Variants in ZNF708 observed in about 807,000 individuals in gnomAD.
ZNF708 encodes zinc finger protein 708, also known as ZNF15, ZNF15L1.
In ZNF708, 44 loss-of-function variants were observed where a neutral mutation model predicts 47.0. That is an observed-to-expected ratio of 0.94 (90% CI 0.74 to 1.20). The LOEUF is 1.20. Ranked by LOEUF, ZNF708 falls within the 50% of genes most tolerant of loss-of-function variation. The pLI is 0.00. For synonymous variants in ZNF708, 184 were observed against 218.5 expected (o/e 0.84, Z 1.39); for missense variants, 557 against 656.0 (o/e 0.85, Z 1.65).
chr19:21,311,576 G>A (rs899112095), intron 1 of ZNF708, among the ~76,000 whole-genome samples: 1 of 151,936 alleles, frequency 6.6e-6, no homozygotes, highest in African/African-American at 2.4e-5. Flanking sequence ...TATCTTTCCC[G>A]TTTTAATTTT....
At chr19:21,328,452 C>T (rs193077661) in intron 1 of ZNF708, among the ~76,000 whole-genome samples, 1 of 152,264 alleles carries the variant, frequency 6.6e-6, no homozygotes, top group East Asian at 1.9e-4. Flanking sequence ...CAGTTTAAAT[C>T]TAACTGCAGG....
intron 1 of ZNF708, among the ~76,000 whole-genome samples, chr19:21,327,526 C>T (rs1002751838): frequency 4.9e-4 from 55 of 111,360 alleles, no homozygotes; most frequent in Non-Finnish European, 9.3e-4. Flanking sequence ...GAGTGAAACT[C>T]CACCTCAAAA....
intron 3 of ZNF708, among the ~76,000 whole-genome samples, chr19:21,297,081 C>T (rs1311883333): frequency 6.6e-6 from 1 of 150,722 alleles, no homozygotes; most frequent in Admixed American, 6.7e-5. Context: ...TGCAGTGAGC[C>T]ATGATTGCAC....
intron 1 of ZNF708, among the ~76,000 whole-genome samples, chr19:21,315,897 T>TAAA (rs1972991660): frequency 6.6e-6 from 1 of 151,686 alleles, no homozygotes; most frequent in Non-Finnish European, 1.5e-5. Flanking sequence ...AATGTCTCTC[T>TAAA]GAGACTTATA....
intron 3 of ZNF708, among the ~76,000 whole-genome samples, chr19:21,306,160 G>C (rs1256894876): frequency 6.6e-6 from 1 of 152,248 alleles, no homozygotes; most frequent in African/African-American, 2.4e-5. Flanking sequence ...CATTGGTCTT[G>C]GCACTATTTT....
intron 1 of ZNF708, among the ~76,000 whole-genome samples, chr19:21,317,263 C>A (rs566427732): frequency 6.6e-6 from 1 of 152,138 alleles, no homozygotes; most frequent in East Asian, 2.0e-4. Flanking sequence ...CTGGGCAATG[C>A]AGTGAGACTC....
At chr19:21,324,509 G>A (rs966549738) in intron 1 of ZNF708, among the ~76,000 whole-genome samples, 10 of 152,130 alleles carry the variant, frequency 6.6e-5, no homozygotes, top group African/African-American at 2.4e-4. Context: ...GGAAGCTGCA[G>A]TAAGCCGAGA....
intron 1 of ZNF708, among the ~76,000 whole-genome samples, chr19:21,321,758 GA>G (rs1188777238): frequency 4.7e-5 from 7 of 150,100 alleles, no homozygotes; most frequent in Admixed American, 1.3e-4. Context: ...GAGAAAATTA[GA>G]AAAAAATACC....
At chr19:21,307,027 TAACATAC>T in intron 3 of ZNF708, 1 of 120,426 alleles carries the variant, frequency 8.3e-6, no homozygotes, top group Admixed American at 8.0e-5. Flanking sequence ...TAACATAACA[TAACATAC>T]ATAAAATAAA....
At chr19:21,303,197 A>G (rs1252714048) in intron 3 of ZNF708, among the ~76,000 whole-genome samples, 1 of 152,164 alleles carries the variant, frequency 6.6e-6, no homozygotes, top group Non-Finnish European at 1.5e-5. Flanking sequence ...GGCTGCAGTG[A>G]GCCATGATCA....
rs943690137 is a variant in ZNF708, at chr19:21,292,146, C to T, written c.*1128G>A. 2 of 152,088 alleles carry T rather than the reference C, an allele frequency of 1.3e-5. No homozygotes were observed. Among genetic ancestry groups the T allele is most frequent in the African/African-American group, 2.4e-5 (1 of 41,444 alleles). 9.4% of individuals were successfully genotyped at this position (152,088 alleles called of 1,614,324 possible). A position where few individuals can be genotyped will look rare whatever the true frequency, so the allele number is the denominator to read the frequency against. ...TCCTGGGTTCAACGGATTTTCCTGCCTCAGCGTCCCAAGTAGCTGAGACTA... is the reference window on the plus strand; with the variant it reads ...TCCTGGGTTCAACGGATTTTCCTGCTTCAGCGTCCCAAGTAGCTGAGACTA... On this transcript the variant is annotated 3_prime_UTR_variant, in exon 4 of 4. Transcript: ENST00000356929.
intron 1 of ZNF708, among the ~76,000 whole-genome samples, chr19:21,322,262 G>A (rs1470342372): frequency 6.6e-6 from 1 of 151,854 alleles, no homozygotes; most frequent in Non-Finnish European, 1.5e-5. Context: ...GGGAAAAGGG[G>A]GTCTGTCATC....
chr19:21,291,257 C>T lies in ZNF708; in HGVS notation c.*2017G>A, dbSNP rs953295367. 7 of 152,090 alleles carry T rather than the reference C, an allele frequency of 4.6e-5. No individual in the cohort carries two copies. The highest frequency in any genetic ancestry group is 1.7e-4 in the African/African-American group (7 of 41,424). The allele number at this position is 152,090 out of a possible 1,614,324, so 9.4% of individuals were successfully genotyped here. On this transcript the variant is annotated 3_prime_UTR_variant, in exon 4 of 4. Transcript: ENST00000356929. ...TTTTAACAAAACTTAAATGTTCTTA[C>T]TATAATGCAAAAGAATATTACTCTA...
intron 3 of ZNF708, among the ~76,000 whole-genome samples, chr19:21,304,945 A>G (rs548550661): frequency 2.0e-4 from 30 of 152,332 alleles, no homozygotes; most frequent in Middle Eastern, 3.4e-3. Context: ...GAAAGAAACT[A>G]GGCATTAAAA....
intron 1 of ZNF708, among the ~76,000 whole-genome samples, chr19:21,323,079 G>T (rs1973184750): frequency 6.6e-6 from 1 of 152,268 alleles, no homozygotes; most frequent in Middle Eastern, 3.4e-3. Context: ...TGGCAGACAT[G>T]TATAGAACAA....
chr19:21,317,894 T>C (rs1973047548), intron 1 of ZNF708, among the ~76,000 whole-genome samples: 1 of 152,226 alleles, frequency 6.6e-6, no homozygotes, highest in South Asian at 2.1e-4. Context: ...CTGCTGAAGG[T>C]AGACTCTCAG....
In ZNF708 at chr19:21,294,325, T is replaced by C. The variant is rs1430808966; in HGVS notation, c.641A>G (p.His214Arg). The C allele has an allele frequency of 1.9e-6, 3 of 1,613,218 alleles. No homozygotes were observed. Among genetic ancestry groups the C allele is most frequent in the South Asian group, 1.1e-5 (1 of 91,042 alleles). Residue 214 changes from histidine (H) to arginine (R), a missense_variant, in exon 4 of 4, where the codon CAT (histidine) becomes CGT (arginine). Transcript: ENST00000356929. Reference protein sequence around the residue: ...AFKKSSNLTNHKIIHTGEKPY... With the variant: ...AFKKSSNLTNRKIIHTGEKPY... Reference sequence around the variant, plus strand: ...TTTCTCTCCAGTATGAATTATCTTATGATTCGTAAGGTTTGAGGACTTTTT... The same window carrying C: ...TTTCTCTCCAGTATGAATTATCTTACGATTCGTAAGGTTTGAGGACTTTTT...
At position 21,293,891 on chromosome 19, in the gene ZNF708, T is replaced by C; in HGVS notation, c.1075A>G (p.Thr359Ala). Residue 359 changes from threonine (T) to alanine (A), a missense_variant, in exon 4 of 4, where the codon ACT becomes GCT. By Grantham distance (58) the Thr-to-Ala change is moderately conservative (BLOSUM62 0). Transcript: ENST00000356929. Reference protein sequence around the residue: ...STLTKHKIIHTEEKPYKCEEC... With the variant: ...STLTKHKIIHAEEKPYKCEEC... ...TCACATTTGTAGGGTTTCTCTTCAG[T>C]ATGAATTATCTTATGTTTAGTAAGG... 1 of 1,613,352 alleles carries C rather than the reference T, an allele frequency of 6.2e-7. No individual in the cohort carries two copies. The highest frequency in any genetic ancestry group is 8.5e-7 in the Non-Finnish European group (1 of 1,179,804).
At chr19:21,316,133 C>CTTTTTTTTTTTTTTTTTTTTTTTT (rs544312163) in intron 1 of ZNF708, among the ~76,000 whole-genome samples, 1 of 105,482 alleles carries the variant, frequency 9.5e-6, no homozygotes, top group African/African-American at 3.7e-5. Context: ...TTTCTTTTTT[C>CTTTTTTTTTTTTTTTTTTTTTTTT]TTTTTTTTTT....
Sources: allele counts gnomAD v4.1 joint callset (sites outside exome capture counted in the v4.1 genomes callset), GRCh38; gene constraint gnomAD v4.1.1; transcripts MANE v1.5; gene names NCBI Gene and HGNC (gene_info 2026-07-23, HGNC 2026-07-21).